Variants in CHN2 observed in about 807,000 individuals in gnomAD.
The protein encoded by CHN2 is chimerin 2.
Under a neutral mutation model 56.3 loss-of-function variants are expected in CHN2, and 35 were observed. That is an observed-to-expected ratio of 0.62 (90% CI 0.47 to 0.82). The LOEUF (loss-of-function observed/expected upper bound fraction) is 0.82, where lower values mean the gene tolerates loss of function less well. CHN2 is among the 40% of genes least tolerant of loss of function. The pLI, the probability that CHN2 is intolerant of heterozygous loss-of-function variation, is 0.00. For missense variants in CHN2, 491 were observed against 580.5 expected (o/e 0.85, Z 1.58); for synonymous variants, 210 against 212.8 (o/e 0.99, Z 0.12).
At chr7:29,492,896 CT>C (rs1318381263) in intron 7 of CHN2, among the ~76,000 whole-genome samples, 1 of 152,156 alleles carries the variant, frequency 6.6e-6, no homozygotes, top group African/African-American at 2.4e-5. Context: ...CTAAAACATT[CT>C]TCACCTCTTG....
At chr7:29,263,245 G>A (rs1789723518) in intron 1 of CHN2, among the ~76,000 whole-genome samples, 1 of 152,244 alleles carries the variant, frequency 6.6e-6, no homozygotes, top group Non-Finnish European at 1.5e-5. Flanking sequence ...GGCCGGGCTG[G>A]TCTCCAGCTC....
chr7:29,404,794 G>A (rs180801358), intron 6 of CHN2, among the ~76,000 whole-genome samples: 32 of 152,064 alleles, frequency 2.1e-4, no homozygotes, highest in Admixed American at 1.7e-3. Context: ...CAAACTCGTG[G>A]GCTCAAGCGA....
At chr7:29,299,848 A>G (rs552722720) in intron 1 of CHN2, among the ~76,000 whole-genome samples, 6 of 152,230 alleles carry the variant, frequency 3.9e-5, no homozygotes, top group African/African-American at 1.4e-4. Context: ...ATGAGAGTGC[A>G]GATAAAAGCA....
At chr7:29,458,960 AG>A (rs1484419046) in intron 6 of CHN2, among the ~76,000 whole-genome samples, 4 of 152,216 alleles carry the variant, frequency 2.6e-5, no homozygotes, top group Non-Finnish European at 5.9e-5. Context: ...AAATTCAACC[AG>A]TTAAGAACTC....
At chr7:29,326,691 T>C (rs1227683379) in intron 1 of CHN2, among the ~76,000 whole-genome samples, 3 of 152,202 alleles carry the variant, frequency 2.0e-5, no homozygotes, top group Admixed American at 6.5e-5. Context: ...GTCCATGTAG[T>C]GTAATATCAT....
rs1396541764 is a variant in CHN2, at chr7:29,178,562, T to C, written c.274+31602T>C. 3.9e-5 allele frequency among the ~76,000 whole-genome samples: 6 copies of C among 152,324 alleles called. No homozygotes were observed. The East Asian group carries it at 1.2e-3, about 29-fold the overall frequency. On this transcript the variant is annotated intron_variant, in intron 2 of 6. Coordinates refer to the CHN2 transcript ENST00000439384. ...AGAGACGTTGCCTGACATGCTGTTT[T>C]ATGTTCATCTGAACACATTTTTCAG... is the stretch of plus-strand genomic sequence containing the variant.
chr7:29,168,726 TA>T (rs1301274191), intron 2 of CHN2, among the ~76,000 whole-genome samples: 3 of 152,242 alleles, frequency 2.0e-5, no homozygotes, highest in African/African-American at 7.2e-5. Flanking sequence ...ATCAGATGGC[TA>T]AACACACTTA....
At chr7:29,455,352 A>G (rs74930961) in intron 6 of CHN2, among the ~76,000 whole-genome samples, 1,761 of 152,262 alleles carry the variant, frequency 0.012, 30 homozygotes, top group African/African-American at 0.038. Context: ...AAATAATCCA[A>G]TAGAATGGTA....
chr7:29,456,626 A>ACCACCC (rs1784785134), intron 6 of CHN2, among the ~76,000 whole-genome samples: 1 of 16,310 alleles, frequency 6.1e-5, no homozygotes, highest in Non-Finnish European at 1.4e-4. Context: ...CCCCCCCACC[A>ACCACCC]CCACCACCAA....
At chr7:29,204,632 A>G (rs1301943475) in intron 1 of CHN2, among the ~76,000 whole-genome samples, 5 of 152,258 alleles carry the variant, frequency 3.3e-5, no homozygotes, top group Middle Eastern at 3.4e-3. Context: ...GCTCTAGCCA[A>G]ATATCCTCTC....
rs1452023328 is a variant in CHN2, at chr7:29,448,286, A to G, written c.577-31993A>G. On this transcript the variant is annotated intron_variant, in intron 6 of 12. Transcript: ENST00000222792. Reference sequence around the variant, plus strand: ...GTTTTTTTTTTCTTTTAGAACATTAATAGCTTCTTGATATTCCCAGAACTT... The same window carrying G: ...GTTTTTTTTTTCTTTTAGAACATTAGTAGCTTCTTGATATTCCCAGAACTT... 2.6e-5 allele frequency among the ~76,000 whole-genome samples: 4 copies of G among 151,888 alleles called. No homozygotes were observed. The South Asian group carries it at 6.2e-4, about 24-fold the overall frequency.
chr7:29,478,059 T>A (rs1055371178), intron 6 of CHN2, among the ~76,000 whole-genome samples: 2 of 152,138 alleles, frequency 1.3e-5, no homozygotes, highest in Non-Finnish European at 2.9e-5. Context: ...ACAAGTGCAA[T>A]CAGAAAAATG....
chr7:29,419,905 C>T (rs529368990), intron 6 of CHN2, among the ~76,000 whole-genome samples: 17 of 152,012 alleles, frequency 1.1e-4, no homozygotes, highest in Non-Finnish European at 1.6e-4. Flanking sequence ...ACTAAAAATA[C>T]AAAAATTAGC....
At chr7:29,381,110 C>G (rs184622404) in intron 3 of CHN2, among the ~76,000 whole-genome samples, 16 of 152,264 alleles carry the variant, frequency 1.1e-4, no homozygotes, top group African/African-American at 3.4e-4. Flanking sequence ...GATTTTGAGT[C>G]TCCTTTACAG....
chr7:29,225,334 G>A (rs1246254689), intron 1 of CHN2, among the ~76,000 whole-genome samples: 1 of 152,136 alleles, frequency 6.6e-6, no homozygotes, highest in Non-Finnish European at 1.5e-5. Context: ...TACCAAATCT[G>A]CAAACTTTAT....
At chr7:29,172,060 G>A (rs1040633322) in intron 2 of CHN2, among the ~76,000 whole-genome samples, 1 of 152,094 alleles carries the variant, frequency 6.6e-6, no homozygotes, top group African/African-American at 2.4e-5. Flanking sequence ...CAGCCAGATG[G>A]GCCAAATCAG....
chr7:29,505,344 A>G (rs118172118), intron 10 of CHN2, among the ~76,000 whole-genome samples: 1 of 152,326 alleles, frequency 6.6e-6, no homozygotes, highest in Non-Finnish European at 1.5e-5. Context: ...AAGAATCTGT[A>G]TTTTTAATAA....
chr7:29,382,055 T>C (rs1172016971), intron 3 of CHN2, among the ~76,000 whole-genome samples: 1 of 152,156 alleles, frequency 6.6e-6, no homozygotes, highest in Non-Finnish European at 1.5e-5. Context: ...TGGAAATGGA[T>C]ATAACTGATC....
In CHN2 at chr7:29,194,996, T is replaced by C. The variant is rs1319904445; in HGVS notation, c.49+6T>C. On this transcript the variant is annotated splice_donor_region_variant and intron_variant, in intron 1 of 12. Transcript: ENST00000222792. The stretch of plus-strand genomic sequence containing the variant: ...CGGCTCGTCGGTGTCCTCCGGTGAG[T>C]TTCAGCCCGTCGGGCGCTGCTGCCG... The C allele has an allele frequency of 6.3e-7, 1 of 1,584,492 alleles. No individual in the cohort carries two copies. Among genetic ancestry groups the C allele is most frequent in the Non-Finnish European group, 8.6e-7 (1 of 1,168,050 alleles).
Sources: allele counts gnomAD v4.1 joint callset (sites outside exome capture counted in the v4.1 genomes callset), GRCh38; gene constraint gnomAD v4.1.1; transcripts MANE v1.5; gene names NCBI Gene and HGNC (gene_info 2026-07-23, HGNC 2026-07-21).